The following PRDM16 variants were observed in gnomAD, a reference collection of about 807,000 sequenced individuals.
PRDM16 encodes histone-lysine N-methyltransferase PRDM16.
A neutral mutation model predicts 110.6 loss-of-function variants in PRDM16; 23 were observed. The ratio of observed to expected loss-of-function variants is 0.21; its 90% CI spans 0.15 to 0.29. The LOEUF (loss-of-function observed/expected upper bound fraction) is 0.29, where lower values mean the gene tolerates loss of function less well. PRDM16 is among the 10% of genes least tolerant of loss of function. The pLI is 1.00. For synonymous variants in PRDM16, 799 were observed against 781.8 expected (o/e 1.02, Z -0.37); for missense variants, 1,615 against 1,794.3 (o/e 0.90, Z 1.81).
At chr1:3,075,999 C>T (rs1048854172) in intron 1 of PRDM16, among the ~76,000 whole-genome samples, 2 of 152,224 alleles carry the variant, frequency 1.3e-5, no homozygotes, top group South Asian at 4.1e-4. Context: ...GCCCCCCACG[C>T]GTGGGGTGCC....
chr1:3,273,437 CAT>C lies in PRDM16; in HGVS notation c.438+29301_438+29302del, dbSNP rs546948194. ...AGGTGCACATATGAGGGTGCGTGCA[CAT>C]GTGTGTGTGTGGGTGGGTGGGTGTG... On this transcript the variant is annotated intron_variant, in intron 3 of 16. Coordinates refer to ENST00000270722, the MANE Select transcript of PRDM16 (RefSeq NM_022114.4). Among the ~76,000 whole-genome samples, 20 of 136,150 alleles carry C rather than the reference CAT, an allele frequency of 1.5e-4. No homozygotes were observed. In the South Asian group the frequency reaches 2.4e-3, roughly 16 times the overall value. 89.3% of individuals were successfully genotyped at this position (136,150 alleles called of 152,430 possible). A position where few individuals can be genotyped will look rare whatever the true frequency, so the allele number is the denominator to read the frequency against.
chr1:3,117,629 C>A (rs943445256), intron 1 of PRDM16, among the ~76,000 whole-genome samples: 1 of 152,054 alleles, frequency 6.6e-6, no homozygotes, highest in Admixed American at 6.5e-5. Context: ...GGGCCCATCT[C>A]CAGGGTGAGG....
intron 1 of PRDM16, among the ~76,000 whole-genome samples, chr1:3,077,973 C>A (rs186302177): frequency 6.6e-6 from 1 of 152,344 alleles, no homozygotes; most frequent in African/African-American, 2.4e-5. Context: ...GTTCTGGCCC[C>A]TGCCACATGC....
At chr1:3,303,357 A>G (rs1641246813) in intron 3 of PRDM16, among the ~76,000 whole-genome samples, 1 of 152,108 alleles carries the variant, frequency 6.6e-6, no homozygotes, top group Non-Finnish European at 1.5e-5. Flanking sequence ...TCTGCTCAGC[A>G]TAGGGTTTCT....
intron 3 of PRDM16, among the ~76,000 whole-genome samples, chr1:3,356,825 T>C (rs1316358057): frequency 6.6e-6 from 1 of 152,144 alleles, no homozygotes; most frequent in Non-Finnish European, 1.5e-5. Flanking sequence ...GGCGGTTCCT[T>C]ATCTCCAGCT....
intron 3 of PRDM16, among the ~76,000 whole-genome samples, chr1:3,363,011 CTGCTCT>C (rs1304329778): frequency 6.6e-6 from 1 of 152,220 alleles, no homozygotes; most frequent in African/African-American, 2.4e-5. Flanking sequence ...CCCCTCCTGG[CTGCTCT>C]CCAGGGAGCA....
chr1:3,227,651 C>G (rs550689202), intron 2 of PRDM16, among the ~76,000 whole-genome samples: 6 of 152,250 alleles, frequency 3.9e-5, no homozygotes, highest in Non-Finnish European at 7.3e-5. Flanking sequence ...GGCCCGGCTC[C>G]GGGACCTGGT....
chr1:3,242,881 C>T (rs1639706581), intron 2 of PRDM16, among the ~76,000 whole-genome samples: 2 of 152,320 alleles, frequency 1.3e-5, no homozygotes, highest in Middle Eastern at 3.4e-3. Context: ...AACAACGTTG[C>T]GGTTTCCGTA....
At chr1:3,232,422 G>A (rs552012661) in intron 2 of PRDM16, among the ~76,000 whole-genome samples, 1 of 152,350 alleles carries the variant, frequency 6.6e-6, no homozygotes, top group South Asian at 2.1e-4. Flanking sequence ...GGATGATGCA[G>A]TGACACCTTT....
intron 1 of PRDM16, among the ~76,000 whole-genome samples, chr1:3,181,394 G>A (rs796509434): frequency 0.1 from 452 of 4,364 alleles, 106 homozygotes; most frequent in Non-Finnish European, 0.17. Flanking sequence ...ACGGCCTTAC[G>A]CATGGTCTTA....
chr1:3,142,106 C>T (rs999924816), intron 1 of PRDM16, among the ~76,000 whole-genome samples: 12 of 152,224 alleles, frequency 7.9e-5, no homozygotes, highest in Non-Finnish European at 1.3e-4. Flanking sequence ...TCGTGAGAAA[C>T]GGAGCTGCCC....
At position 3,143,534 on chromosome 1, in the gene PRDM16, C is replaced by T. The variant is rs1044406391; in HGVS notation, c.38-42591C>T. ...GCTCTGTCACCCAGGCTGGAGTGCA[C>T]TGGCGCAATCTCCGCTCACTGCAGT... On this transcript the variant is annotated intron_variant, in intron 1 of 16. Transcript: ENST00000270722. The surrounding 1 kb of genome is among the most constrained non-coding windows in gnomAD (Gnocchi z 4.5). Among the ~76,000 whole-genome samples the T allele has an allele frequency of 6.6e-6, 1 of 152,142 alleles. No individual in the cohort carries two copies. Among genetic ancestry groups the T allele is most frequent in the Non-Finnish European group, 1.5e-5 (1 of 68,026 alleles).
At chr1:3,215,587 C>G (rs1639005775) in intron 2 of PRDM16, among the ~76,000 whole-genome samples, 1 of 152,194 alleles carries the variant, frequency 6.6e-6, no homozygotes. Flanking sequence ...CCGAGCGGAC[C>G]AACCCAGAAC....
At chr1:3,304,710 G>A (rs1641274954) in intron 3 of PRDM16, among the ~76,000 whole-genome samples, 1 of 152,012 alleles carries the variant, frequency 6.6e-6, no homozygotes, top group Admixed American at 6.5e-5. Flanking sequence ...GAGCACGTCT[G>A]ATGGCTCCCA....
Position 3,431,083 on chromosome 1 carries a change from G to A in PRDM16, c.3496G>A (p.Ala1166Thr). Residue 1166 changes from alanine (A) to threonine (T), a missense_variant, in exon 15 of 17, where the codon GCC becomes ACC. By Grantham distance (58) the Ala-to-Thr change is moderately conservative (BLOSUM62 0). This residue lies in a region of PRDM16 where 327 missense variants were observed against 359.3 expected (regional missense o/e 0.91). Transcript: ENST00000270722. The part of the protein sequence containing the change: ...EEDEEPAASL[A>T]VGFDHTRRCA... Reference sequence around the variant, plus strand: ...GGATGAGGAGCCAGCCGCCTCCCTGGCCGTGGGCTTTGACCACACCCGAAG... The same window carrying A: ...GGATGAGGAGCCAGCCGCCTCCCTGACCGTGGGCTTTGACCACACCCGAAG... The A allele has an allele frequency of 6.4e-7, 1 of 1,551,906 alleles. No homozygotes were observed. The highest frequency in any genetic ancestry group is 1.4e-5 in the African/African-American group (1 of 73,326).
intron 1 of PRDM16, among the ~76,000 whole-genome samples, chr1:3,120,737 G>A (rs1206327621): frequency 1.3e-5 from 2 of 152,166 alleles, no homozygotes; most frequent in African/African-American, 4.8e-5. Flanking sequence ...TGGAAGCGGT[G>A]GGCCTCGTGG....
intron 1 of PRDM16, among the ~76,000 whole-genome samples, chr1:3,121,628 C>T (rs894877206): frequency 2.6e-5 from 4 of 152,338 alleles, no homozygotes; most frequent in East Asian, 1.9e-4. Context: ...TTCCGAATGC[C>T]GAGAAACAGA....
At chr1:3,342,671 C>T (rs1462271899) in intron 3 of PRDM16, among the ~76,000 whole-genome samples, 2 of 152,234 alleles carry the variant, frequency 1.3e-5, no homozygotes, top group African/African-American at 4.8e-5. Flanking sequence ...TGGCCAGCCG[C>T]TGTTCTGATG....
At chr1:3,070,293 G>A (rs1641717422) in intron 1 of PRDM16, among the ~76,000 whole-genome samples, 1 of 149,542 alleles carries the variant, frequency 6.7e-6, no homozygotes, top group Non-Finnish European at 1.5e-5. Flanking sequence ...CCGCGGGCCG[G>A]GTGCTCCAGC....
Sources: allele counts gnomAD v4.1 joint callset (sites outside exome capture counted in the v4.1 genomes callset), GRCh38; gene constraint gnomAD v4.1.1; regional missense constraint gnomAD v4.1.1; non-coding constraint Gnocchi (gnomAD v3.1); transcripts MANE v1.5; gene names NCBI Gene and HGNC (gene_info 2026-07-23, HGNC 2026-07-21).